PTPRM: variants seen among roughly 807,000 people sequenced by gnomAD.
The protein encoded by PTPRM is protein tyrosine phosphatase receptor type M, also known as receptor-type tyrosine-protein phosphatase mu.
A neutral mutation model predicts 186.7 loss-of-function variants in PTPRM; 47 were observed. The observed-to-expected ratio is 0.25, with a 90% confidence interval of 0.20 to 0.32. The LOEUF (loss-of-function observed/expected upper bound fraction) is 0.32, where lower values mean the gene tolerates loss of function less well. Ranked by LOEUF, PTPRM falls within the 10% of genes least tolerant of loss-of-function variation. PTPRM has a pLI of 1.00. For missense variants in PTPRM, 1,494 were observed against 1,865.0 expected, an observed-to-expected ratio of 0.80 and a Z score of 3.66; for synonymous variants, 668 against 674.9, an observed-to-expected ratio of 0.99 and a Z score of 0.16.
At chr18:8,388,991 A>G (rs183034509) in intron 31 of PTPRM, among the ~76,000 whole-genome samples, 77 of 152,318 alleles carry the variant, frequency 5.1e-4, no homozygotes, top group Admixed American at 3.8e-3. Flanking sequence ...CTCTATCAAG[A>G]AAATGACAAA....
chr18:7,867,594 T>C (rs530789079), intron 2 of PTPRM, among the ~76,000 whole-genome samples: 2 of 152,354 alleles, frequency 1.3e-5, no homozygotes, highest in East Asian at 3.9e-4. Flanking sequence ...CTTCCCTTTG[T>C]GGGTAACCCG....
intron 31 of PTPRM, among the ~76,000 whole-genome samples, 172 bp from the exon 32 acceptor site, chr18:8,394,304 G>A (rs888074089): frequency 1.3e-5 from 2 of 152,148 alleles, no homozygotes; most frequent in Non-Finnish European, 2.9e-5. Flanking sequence ...ACTGCGGATG[G>A]CTTGCTCTGT....
At chr18:7,764,275 A>G (rs1215118570) in intron 1 of PTPRM, among the ~76,000 whole-genome samples, 1 of 152,216 alleles carries the variant, frequency 6.6e-6, no homozygotes, top group East Asian at 1.9e-4. Flanking sequence ...TTCAGCTTAC[A>G]TGTATTTTCT....
intron 24 of PTPRM, among the ~76,000 whole-genome samples, chr18:8,372,860 G>C (rs947280523): frequency 6.6e-6 from 1 of 151,952 alleles, no homozygotes; most frequent in African/African-American, 2.4e-5. Flanking sequence ...TTTAAACATG[G>C]AGTTTTTTTG....
intron 1 of PTPRM, among the ~76,000 whole-genome samples, chr18:7,628,599 T>A (rs1208788784): frequency 6.6e-6 from 1 of 152,230 alleles, no homozygotes; most frequent in African/African-American, 2.4e-5. Context: ...AAAGGAAAAC[T>A]AAGCTTGAAT....
intron 31 of PTPRM, among the ~76,000 whole-genome samples, chr18:8,392,425 C>A (rs1001699733): frequency 1.2e-4 from 18 of 152,082 alleles, no homozygotes; most frequent in Non-Finnish European, 1.9e-4. Context: ...GAGATTGAGA[C>A]TATCCTGGCT....
intron 1 of PTPRM, among the ~76,000 whole-genome samples, chr18:7,654,450 T>G (rs2038800784): frequency 6.6e-6 from 1 of 152,186 alleles, no homozygotes; most frequent in Non-Finnish European, 1.5e-5. Flanking sequence ...ATAAATAGGT[T>G]AATTAGATCC....
chr18:8,165,911 A>T (rs1359798863), intron 14 of PTPRM, among the ~76,000 whole-genome samples: 1 of 152,136 alleles, frequency 6.6e-6, no homozygotes, highest in Non-Finnish European at 1.5e-5. Context: ...TTGCTACCTA[A>T]CACTTAGGGC....
chr18:8,048,178 A>T (rs962484578), intron 7 of PTPRM, among the ~76,000 whole-genome samples: 2 of 152,214 alleles, frequency 1.3e-5, no homozygotes, highest in African/African-American at 2.4e-5. Context: ...CCCACACAAA[A>T]ACTATGTTTA....
intron 15 of PTPRM, among the ~76,000 whole-genome samples, chr18:8,244,658 A>G (rs2094461443): frequency 6.6e-6 from 1 of 152,228 alleles, no homozygotes; most frequent in Admixed American, 6.5e-5. Context: ...TAGGGCTGTC[A>G]GTGTCAATTA....
chr18:7,693,864 G>C (rs1007074233), intron 1 of PTPRM, among the ~76,000 whole-genome samples: 1 of 149,852 alleles, frequency 6.7e-6, no homozygotes, highest in African/African-American at 2.4e-5. Flanking sequence ...GTGAAGGAAG[G>C]TGGCACAGCT....
At chr18:7,576,033 G>T (rs1479293314) in intron 1 of PTPRM, among the ~76,000 whole-genome samples, 1 of 152,172 alleles carries the variant, frequency 6.6e-6, no homozygotes, top group East Asian at 1.9e-4. Context: ...AGCTAAAAGA[G>T]CAAGGATTGC....
intron 20 of PTPRM, 97 bp downstream of exon 20, chr18:8,296,552 A>G (rs1294732962): frequency 7.2e-6 from 6 of 831,424 alleles, no homozygotes; most frequent in East Asian, 5.1e-5. Context: ...TTACAGTGCA[A>G]TTACCTCCTT....
chr18:7,836,603 G>A (rs1212226253), intron 2 of PTPRM, among the ~76,000 whole-genome samples: 1 of 152,120 alleles, frequency 6.6e-6, no homozygotes, highest in East Asian at 1.9e-4. Context: ...AGCTTCAGAT[G>A]ATATATTGCT....
At chr18:8,121,278 A>C (rs1315143936) in intron 13 of PTPRM, among the ~76,000 whole-genome samples, 2 of 152,202 alleles carry the variant, frequency 1.3e-5, no homozygotes, top group African/African-American at 4.8e-5. Flanking sequence ...TTGTCTGCAG[A>C]TGGTAGATGA....
At chr18:7,942,299 A>AAAT (rs530470227) in intron 5 of PTPRM, among the ~76,000 whole-genome samples, 3,256 of 151,084 alleles carry the variant, frequency 0.022, 43 homozygotes, top group African/African-American at 0.042. Context: ...AAAAAAAAAA[A>AAAT]TATTTAATAC....
intron 7 of PTPRM, among the ~76,000 whole-genome samples, chr18:8,022,807 T>C (rs1568201197): frequency 6.6e-6 from 1 of 152,190 alleles, no homozygotes; most frequent in African/African-American, 2.4e-5. Context: ...CTTAAAGATA[T>C]TTAAATGCCT....
intron 4 of PTPRM, among the ~76,000 whole-genome samples, chr18:7,920,215 A>G (rs1323936869): frequency 1.3e-5 from 2 of 152,158 alleles, no homozygotes; most frequent in Non-Finnish European, 2.9e-5. Context: ...GTAAAGACTT[A>G]CTACTGCCAT....
At chr18:7,700,993 A>AAAAG (rs1555654263) in intron 1 of PTPRM, among the ~76,000 whole-genome samples, 12,024 of 105,948 alleles carry the variant, frequency 0.11, 1,215 homozygotes, top group Non-Finnish European at 0.14. Context: ...AAAAAAAAAA[A>AAAAG]AAAGAAAGAA....
Sources: gnomAD v4.1 joint callset for allele counts (sites outside exome capture counted in the v4.1 genomes callset) on GRCh38, gnomAD v4.1.1 for gene constraint, MANE v1.5 for transcripts, NCBI Gene and HGNC (gene_info 2026-07-23, HGNC 2026-07-21) for gene names.